Variants in RAB3GAP2 observed in about 807,000 individuals in gnomAD.
RAB3GAP2 encodes RAB3 GTPase activating non-catalytic protein subunit 2, also known as rab3 GTPase-activating protein non-catalytic subunit.
In RAB3GAP2, 87 loss-of-function variants were observed where a neutral mutation model predicts 185.3. That is an observed-to-expected ratio of 0.47 (90% CI 0.39 to 0.56). RAB3GAP2 has a LOEUF of 0.56. RAB3GAP2 is among the 20% of genes least tolerant of loss of function. The pLI is 0.00. For missense variants in RAB3GAP2, 1,492 were observed against 1,638.2 expected (o/e 0.91, Z 1.54); for synonymous variants, 554 against 576.1 (o/e 0.96, Z 0.55).
rs200552845 is a variant in RAB3GAP2 at position 220,157,354 on chromosome 1, G to A, written c.3471C>T (p.His1157=). Residue 1157 remains histidine (H), a synonymous_variant, in exon 31 of 35, where the codon CAC becomes CAT. Transcript: ENST00000358951. ...ACAAGATGGAGCACAGGATGGAGTG[G>A]TGCTCCACCAGTGGGTAGTGGATGT... The part of the protein sequence containing the change: ...QKHIHYPLVE[H]HSILCSILYA... The A allele has an allele frequency of 7.4e-6, 12 of 1,613,754 alleles. No individual in the cohort carries two copies. Among genetic ancestry groups the A allele is most frequent in the Non-Finnish European group, 1.0e-5 (12 of 1,179,894 alleles).
At chr1:220,257,464 C>T (rs996899741) in intron 1 of RAB3GAP2, among the ~76,000 whole-genome samples, 2 of 151,710 alleles carry the variant, frequency 1.3e-5, no homozygotes, top group African/African-American at 4.8e-5. Flanking sequence ...ACAACCTGCT[C>T]CTGAATGACT....
At chr1:220,221,413 T>C (rs1340194368) in intron 2 of RAB3GAP2, among the ~76,000 whole-genome samples, 1 of 152,204 alleles carries the variant, frequency 6.6e-6, no homozygotes, top group Non-Finnish European at 1.5e-5. Flanking sequence ...CCTGCTTCAC[T>C]AGATTTTGCC....
At chr1:220,239,152 C>T (rs889166016) in intron 1 of RAB3GAP2, among the ~76,000 whole-genome samples, 1 of 152,100 alleles carries the variant, frequency 6.6e-6, no homozygotes, top group Non-Finnish European at 1.5e-5. Flanking sequence ...ACAACAAATA[C>T]AAAAGATTAT....
At position 220,225,070 on chromosome 1, in the gene RAB3GAP2, C is replaced by T. The variant is rs183359849; in HGVS notation, c.180+7729G>A. Among the ~76,000 whole-genome samples the T allele has an allele frequency of 1.9e-3, 296 of 152,168 alleles. 2 individuals are homozygous for T. Among genetic ancestry groups the T allele is most frequent in the African/African-American group, 7.0e-3 (289 of 41,508 alleles). Reference sequence around the variant, plus strand: ...CTACTCTGCAGGAATGCCTAAGGAGCGCAGATTTGAACTAAAATTAACAGT... The same window carrying T: ...CTACTCTGCAGGAATGCCTAAGGAGTGCAGATTTGAACTAAAATTAACAGT... On this transcript the variant is annotated intron_variant, in intron 2 of 34. Coordinates refer to ENST00000358951, the MANE Select transcript of RAB3GAP2 (RefSeq NM_012414.4).
rs914981380 is a variant in RAB3GAP2 at position 220,148,557 on chromosome 1, T to C, written c.*2694A>G. On this transcript the variant is annotated 3_prime_UTR_variant, in exon 35 of 35. Transcript: ENST00000358951. ...GTTGCTATAGTGTACTGTAAAAATA[T>C]TTGTTCCTTATAAATGAAGTGGACC... 2.0e-4 allele frequency: 30 copies of C among 152,240 alleles called. No homozygotes were observed. Among genetic ancestry groups the C allele is most frequent in the African/African-American group, 7.2e-4 (30 of 41,550 alleles). 9.4% of individuals were successfully genotyped at this position (152,240 alleles called of 1,614,324 possible).
At chr1:220,232,511 T>C (rs1012593508) in intron 2 of RAB3GAP2, among the ~76,000 whole-genome samples, 2 of 152,234 alleles carry the variant, frequency 1.3e-5, no homozygotes, top group South Asian at 4.1e-4. Context: ...CCCCTGATCC[T>C]GGACTTCCCA....
chr1:220,165,767 T>C (rs1001081517), intron 26 of RAB3GAP2, among the ~76,000 whole-genome samples: 4 of 152,224 alleles, frequency 2.6e-5, no homozygotes, highest in Admixed American at 6.5e-5. Flanking sequence ...CAATAACCTT[T>C]TGAGATAACT....
chr1:220,157,756 G>A (rs1657885681), intron 30 of RAB3GAP2, 46 bp downstream of exon 30: 1 of 1,455,062 alleles, frequency 6.9e-7, no homozygotes, highest in Admixed American at 1.7e-5. Flanking sequence ...TGCAGAATAT[G>A]TAATATCTTA....
At chr1:220,206,117 A>G in intron 7 of RAB3GAP2, 111 bp from the exon 8 acceptor site, 1 of 693,052 alleles carries the variant, frequency 1.4e-6, no homozygotes, top group Non-Finnish European at 2.5e-6. Context: ...CACCCAAAGC[A>G]ATATCAGGCA....
At chr1:220,238,437 T>G (rs148630547) in intron 1 of RAB3GAP2, among the ~76,000 whole-genome samples, 1 of 152,332 alleles carries the variant, frequency 6.6e-6, no homozygotes, top group African/African-American at 2.4e-5. Flanking sequence ...AGTTTTACCT[T>G]CTAAAGAGTT....
intron 17 of RAB3GAP2, among the ~76,000 whole-genome samples, chr1:220,187,867 G>A (rs949246893): frequency 5.3e-5 from 8 of 151,924 alleles, no homozygotes; most frequent in South Asian, 2.1e-4. Flanking sequence ...TTCATCAACC[G>A]CAAAGAGGGG....
chr1:220,259,376 G>A (rs1228563135), intron 1 of RAB3GAP2, among the ~76,000 whole-genome samples: 2 of 151,956 alleles, frequency 1.3e-5, no homozygotes, highest in African/African-American at 4.8e-5. Flanking sequence ...ACTGGTAGAA[G>A]AACAGACACA....
rs556293178 is a variant in RAB3GAP2 at position 220,254,521 on chromosome 1, T to G, written c.115+17702A>C. ...CGATTATGAAGTGGCTCCTCCTGAG[T>G]ACCATCGGAAAGCTGTGTGAGAGGC... On this transcript the variant is annotated intron_variant, in intron 1 of 34. Transcript: ENST00000358951. The G allele has an allele frequency of 2.7e-5, 43 of 1,613,364 alleles. 2 individuals carry two copies. The South Asian group carries it at 4.4e-4, about 16-fold the overall frequency.
chr1:220,182,186 A>C (rs1558147148), intron 21 of RAB3GAP2, 71 bp downstream of exon 21: 3 of 1,593,464 alleles, frequency 1.9e-6, no homozygotes, highest in Non-Finnish European at 2.6e-6. Context: ...AGTTAAAAAA[A>C]AAAAGAAGAC....
intron 2 of RAB3GAP2, among the ~76,000 whole-genome samples, chr1:220,230,644 C>T (rs1265614228): frequency 1.3e-5 from 2 of 152,196 alleles, no homozygotes; most frequent in Non-Finnish European, 2.9e-5. Flanking sequence ...TTTTCCTCAT[C>T]CTCCCCAACT....
intron 29 of RAB3GAP2, among the ~76,000 whole-genome samples, 165 bp downstream of exon 29, chr1:220,159,221 T>G (rs552939881): frequency 9.9e-5 from 15 of 152,280 alleles, no homozygotes; most frequent in African/African-American, 2.9e-4. Flanking sequence ...TGGCCATAGT[T>G]CATGACCAGT....
At chr1:220,221,612 T>A (rs989055211) in intron 2 of RAB3GAP2, among the ~76,000 whole-genome samples, 1 of 152,068 alleles carries the variant, frequency 6.6e-6, no homozygotes, top group African/African-American at 2.4e-5. Flanking sequence ...ACTTCAAGAA[T>A]TTTTTTTGAA....
chr1:220,149,014 A>G lies in RAB3GAP2; in HGVS notation c.*2237T>C, dbSNP rs1657688016. 6.6e-6 allele frequency: 1 copy of G among 152,190 alleles called. No homozygotes were observed. Among genetic ancestry groups the G allele is most frequent in the African/African-American group, 2.4e-5 (1 of 41,440 alleles). The allele number at this position is 152,190 out of a possible 1,614,324, so 9.4% of individuals were successfully genotyped here. ...ACTGGTTACTGGCTTCTCATCAATA[A>G]CTACAAAGTACCACATACCTTTGTT... On this transcript the variant is annotated 3_prime_UTR_variant, in exon 35 of 35. Transcript: ENST00000358951.
intron 19 of RAB3GAP2, among the ~76,000 whole-genome samples, chr1:220,183,793 A>G (rs558343748): frequency 6.7e-4 from 102 of 152,286 alleles, no homozygotes; most frequent in African/African-American, 2.4e-3. Flanking sequence ...ATTTTTATAT[A>G]CTATATGTAC....
Sources: allele counts gnomAD v4.1 joint callset (sites outside exome capture counted in the v4.1 genomes callset), GRCh38; gene constraint gnomAD v4.1.1; transcripts MANE v1.5; gene names NCBI Gene and HGNC (gene_info 2026-07-23, HGNC 2026-07-21).